The following NELL2 variants were observed in gnomAD, a reference collection of about 807,000 sequenced individuals.
The protein encoded by NELL2 is protein kinase C-binding protein NELL2.
NELL2 carries 41 observed loss-of-function variants against 109.6 expected under a neutral mutation model. The observed-to-expected ratio is 0.37, with a 90% confidence interval of 0.29 to 0.49. The LOEUF is 0.49. Ranked by LOEUF, NELL2 falls within the 20% of genes least tolerant of loss-of-function variation. The pLI, the probability that NELL2 is intolerant of heterozygous loss-of-function variation, is 0.98. For synonymous variants in NELL2, 355 were observed against 344.7 expected (o/e 1.03, Z -0.33); for missense variants, 900 against 1,008.3 (o/e 0.89, Z 1.45).
Position 44,606,635 on chromosome 12 carries a change from C to T in NELL2, c.1663+534G>A, listed in dbSNP as rs141927376. On this transcript the variant is annotated intron_variant, in intron 15 of 19. Coordinates refer to ENST00000429094, the MANE Select transcript of NELL2 (RefSeq NM_001145108.2). ...TAATTTTTAAAGTTTTTAATATTCA[C>T]GTCCATCAGAAAGAGTAAGTTCAGA... Among the ~76,000 whole-genome samples the T allele has an allele frequency of 8.7e-4, 132 of 151,996 alleles. 1 individual carries two copies. Among genetic ancestry groups the T allele is most frequent in the Admixed American group, 3.6e-3 (55 of 15,258 alleles).
In NELL2 at chr12:44,705,476, C is replaced by T. The variant is rs1229849072; in HGVS notation, c.1190-1622G>A. On this transcript the variant is annotated intron_variant, in intron 11 of 19. Transcript: ENST00000429094. ...CTAAACTGTCATGATTAAGGCTGTA[C>T]ATTTAAAAGTAAAATTCTTAAGAAG... Among the ~76,000 whole-genome samples the T allele has an allele frequency of 5.3e-5, 8 of 152,262 alleles. No homozygotes were observed. The East Asian group carries it at 1.4e-3, about 26-fold the overall frequency.
At chr12:44,698,260 G>A (rs1949121177) in intron 12 of NELL2, among the ~76,000 whole-genome samples, 2 of 152,174 alleles carry the variant, frequency 1.3e-5, no homozygotes, top group South Asian at 2.1e-4. Flanking sequence ...GTGAGGTGGG[G>A]TGTGAGGGTA....
chr12:44,811,231 G>A (rs1256859221), intron 3 of NELL2, among the ~76,000 whole-genome samples: 2 of 148,988 alleles, frequency 1.3e-5, no homozygotes, highest in Admixed American at 6.8e-5. Context: ...TGCTTGCAGG[G>A]CTTAAAACCT....
chr12:44,804,481 T>C (rs1942934140), intron 3 of NELL2, among the ~76,000 whole-genome samples: 1 of 151,818 alleles, frequency 6.6e-6, no homozygotes, highest in Non-Finnish European at 1.5e-5. Context: ...CAAAACAAGA[T>C]TTCACATGGA....
chr12:44,913,228 C>A (rs1304100946), intron 1 of NELL2, among the ~76,000 whole-genome samples: 1 of 151,954 alleles, frequency 6.6e-6, no homozygotes, highest in Non-Finnish European at 1.5e-5. Context: ...TGGGTTCTTC[C>A]CTTGAGTAGG....
intron 15 of NELL2, among the ~76,000 whole-genome samples, chr12:44,547,217 G>A (rs79101313): frequency 0.011 from 1,711 of 152,246 alleles, 16 homozygotes; most frequent in Non-Finnish European, 0.019. Flanking sequence ...CAGTGCTTTA[G>A]TCAACAACAT....
intron 3 of NELL2, among the ~76,000 whole-genome samples, chr12:44,780,590 C>T (rs1941921404): frequency 6.6e-6 from 1 of 151,798 alleles, no homozygotes; most frequent in Non-Finnish European, 1.5e-5. Context: ...TAATGAGGCC[C>T]CCCACAGCAC....
At chr12:44,726,354 T>A (rs11182622) in intron 9 of NELL2, among the ~76,000 whole-genome samples, 33,309 of 152,068 alleles carry the variant, frequency 0.22, 4,225 homozygotes, top group African/African-American at 0.36. Context: ...TCTTTGTGTT[T>A]CATATTTTAA....
At chr12:44,628,247 T>G (rs1461675509) in intron 13 of NELL2, among the ~76,000 whole-genome samples, 1 of 152,216 alleles carries the variant, frequency 6.6e-6, no homozygotes, top group Non-Finnish European at 1.5e-5. Context: ...ATGGGTTTTG[T>G]AGTCTCATTT....
intron 15 of NELL2, among the ~76,000 whole-genome samples, chr12:44,603,744 AACC>A (rs1179708179): frequency 6.6e-6 from 1 of 152,174 alleles, no homozygotes; most frequent in Non-Finnish European, 1.5e-5. Flanking sequence ...AAATGAATGC[AACC>A]ATTCCTACTA....
intron 11 of NELL2, among the ~76,000 whole-genome samples, chr12:44,704,126 T>C (rs1458206671): frequency 6.6e-6 from 1 of 152,114 alleles, no homozygotes; most frequent in Non-Finnish European, 1.5e-5. Flanking sequence ...ATTCTAATTA[T>C]AACCCTCCAT....
chr12:44,864,271 G>A (rs1944924871), intron 2 of NELL2, among the ~76,000 whole-genome samples: 1 of 151,992 alleles, frequency 6.6e-6, no homozygotes, highest in African/African-American at 2.4e-5. Context: ...GACATAAAGT[G>A]GTTGAATGTA....
At chr12:44,876,521 C>A (rs1410291450), upstream of NELL2, 9 of 1,411,128 alleles carry the variant, frequency 6.4e-6, no homozygotes, top group Non-Finnish European at 7.5e-6. Context: ...CTCCCTCTCT[C>A]GATGACCCGG....
chr12:44,801,327 C>A (rs1566427791), intron 3 of NELL2, among the ~76,000 whole-genome samples: 1 of 152,118 alleles, frequency 6.6e-6, no homozygotes, highest in South Asian at 2.1e-4. Flanking sequence ...GGCTTTTTAG[C>A]CAGTTTTTAC....
intron 3 of NELL2, among the ~76,000 whole-genome samples, chr12:44,799,076 A>G (rs1386536236): frequency 6.8e-6 from 1 of 147,332 alleles, no homozygotes; most frequent in Non-Finnish European, 1.5e-5. Flanking sequence ...CTCTTGCCTC[A>G]GCCTCCCGAG....
At chr12:44,877,391 G>A (rs1292985129), upstream of NELL2, among the ~76,000 whole-genome samples, 1 of 152,158 alleles carries the variant, frequency 6.6e-6, no homozygotes, top group Non-Finnish European at 1.5e-5. Context: ...AAATTTTTAG[G>A]TAAATTTTGA....
At chr12:44,908,837 T>A (rs896771247) in intron 1 of NELL2, among the ~76,000 whole-genome samples, 1 of 152,004 alleles carries the variant, frequency 6.6e-6, no homozygotes, top group Non-Finnish European at 1.5e-5. Flanking sequence ...TAAAAGTTAT[T>A]TCAATCATTA....
At chr12:44,893,342 G>A (rs1238907747) in intron 1 of NELL2, among the ~76,000 whole-genome samples, 1 of 152,026 alleles carries the variant, frequency 6.6e-6, no homozygotes, top group Non-Finnish European at 1.5e-5. Context: ...AATACATCAA[G>A]TCATTTTCAA....
chr12:44,795,591 C>T (rs757751097), intron 3 of NELL2, among the ~76,000 whole-genome samples: 6 of 152,084 alleles, frequency 3.9e-5, no homozygotes, highest in Non-Finnish European at 8.8e-5. Flanking sequence ...CTGTGAATAA[C>T]GAGCAATTTG....
Sources: gnomAD v4.1 joint callset for allele counts (sites outside exome capture counted in the v4.1 genomes callset) on GRCh38, gnomAD v4.1.1 for gene constraint, MANE v1.5 for transcripts, NCBI Gene and HGNC (gene_info 2026-07-23, HGNC 2026-07-21) for gene names.